Variants in PLEKHM3 observed in about 807,000 individuals in gnomAD.
PLEKHM3 encodes the protein pleckstrin homology domain-containing family M member 3.
Under a neutral mutation model 81.8 loss-of-function variants are expected in PLEKHM3, and 45 were observed. That is an observed-to-expected ratio of 0.55 (90% CI 0.43 to 0.71). The LOEUF is 0.71. Among genes scored for constraint, PLEKHM3 ranks in the 30% least tolerant of loss-of-function variants. The pLI is 0.00. For missense variants in PLEKHM3, 788 were observed against 924.3 expected (o/e 0.85, Z 1.91); for synonymous variants, 352 against 356.4 (o/e 0.99, Z 0.14).
chr2:207,940,123 A>G (rs954932037), intron 4 of PLEKHM3, among the ~76,000 whole-genome samples: 2 of 152,190 alleles, frequency 1.3e-5, no homozygotes, highest in African/African-American at 4.8e-5. Context: ...CTGCTTGTCT[A>G]CTATGTGCCA....
intron 7 of PLEKHM3, among the ~76,000 whole-genome samples, chr2:207,838,689 T>C (rs2092333546): frequency 6.6e-6 from 1 of 152,194 alleles, no homozygotes; most frequent in Non-Finnish European, 1.5e-5. Context: ...TTCTAAGTTT[T>C]TATTTTAAGG....
At chr2:207,939,799 C>T (rs1689875154) in intron 4 of PLEKHM3, among the ~76,000 whole-genome samples, 1 of 152,176 alleles carries the variant, frequency 6.6e-6, no homozygotes, top group African/African-American at 2.4e-5. Context: ...AGGCTTCTGT[C>T]TTCCTTCATG....
At chr2:207,846,419 C>T (rs558410518) in intron 7 of PLEKHM3, among the ~76,000 whole-genome samples, 35 of 152,170 alleles carry the variant, frequency 2.3e-4, no homozygotes, top group African/African-American at 2.4e-4. Context: ...GGATTACAGG[C>T]GTGAACCACT....
At chr2:207,991,945 G>T (rs978952838) in intron 2 of PLEKHM3, among the ~76,000 whole-genome samples, 6 of 152,118 alleles carry the variant, frequency 3.9e-5, no homozygotes, top group Non-Finnish European at 8.8e-5. Context: ...TGATATTTTG[G>T]CCTTACTATT....
intron 6 of PLEKHM3, among the ~76,000 whole-genome samples, chr2:207,888,303 CA>C (rs1405105745): frequency 1.3e-5 from 2 of 152,120 alleles, no homozygotes; most frequent in Non-Finnish European, 2.9e-5. Context: ...GCATCAAACA[CA>C]AACTATTCTT....
At chr2:207,918,397 C>T (rs760688758) in intron 5 of PLEKHM3, among the ~76,000 whole-genome samples, 62 of 152,068 alleles carry the variant, frequency 4.1e-4, no homozygotes, top group Admixed American at 2.3e-3. Flanking sequence ...TGGTGGGCGC[C>T]TGTAGTCCCA....
At chr2:207,855,939 T>C (rs536034753) in intron 7 of PLEKHM3, among the ~76,000 whole-genome samples, 11 of 152,342 alleles carry the variant, frequency 7.2e-5, no homozygotes, top group Admixed American at 2.6e-4. Context: ...CTTTAGTTAC[T>C]AATAATATAT....
chr2:207,930,598 G>T (rs555265066), intron 5 of PLEKHM3, among the ~76,000 whole-genome samples: 2 of 152,202 alleles, frequency 1.3e-5, no homozygotes, highest in South Asian at 4.2e-4. Context: ...CTACATAAGT[G>T]ACCAATATAG....
chr2:207,945,621 G>A (rs1438205856), intron 4 of PLEKHM3, among the ~76,000 whole-genome samples: 1 of 152,054 alleles, frequency 6.6e-6, no homozygotes, highest in African/African-American at 2.4e-5. Flanking sequence ...GAAATATCTC[G>A]GACCACACAG....
intron 3 of PLEKHM3, among the ~76,000 whole-genome samples, chr2:207,948,349 CTTTTTTTTT>C (rs752976462): frequency 1.2e-5 from 1 of 81,066 alleles, no homozygotes; most frequent in Non-Finnish European, 2.2e-5. Context: ...CTCCTCAGAT[CTTTTTTTTT>C]TTTTTTTTTT....
chr2:208,004,789 C>T (rs7595734), intron 1 of PLEKHM3, among the ~76,000 whole-genome samples: 99,097 of 152,008 alleles, frequency 0.65, 33,341 homozygotes, highest in Non-Finnish European at 0.74. Flanking sequence ...TACTCTGCTT[C>T]TGTTTAAATA....
intron 5 of PLEKHM3, among the ~76,000 whole-genome samples, chr2:207,925,095 T>C (rs1689343787): frequency 1.3e-5 from 2 of 151,774 alleles, no homozygotes; most frequent in South Asian, 4.2e-4. Context: ...TTCTGAGTGC[T>C]TAAGATGGGA....
At position 207,821,809 on chromosome 2, in the gene PLEKHM3, G is replaced by A. The variant is rs1487386771; in HGVS notation, c.*6510C>T. 2.0e-5 allele frequency: 3 copies of A among 152,078 alleles called. No individual in the cohort carries two copies. The highest frequency in any genetic ancestry group is 4.4e-5 in the Non-Finnish European group (3 of 68,018). The allele number at this position is 152,078 out of a possible 1,614,324, so 9.4% of individuals were successfully genotyped here. ...GCCCAGACTTGTCTTGAACTCCTGG[G>A]CTCCAGTGATCCTCCCACCCCAGCC... On this transcript the variant is annotated 3_prime_UTR_variant, in exon 8 of 8. Coordinates refer to ENST00000427836, the MANE Select transcript of PLEKHM3 (RefSeq NM_001080475.3).
chr2:208,019,494 T>A (rs1345787773), intron 1 of PLEKHM3: 1 of 152,310 alleles, frequency 6.6e-6, no homozygotes, highest in Non-Finnish European at 1.5e-5. Flanking sequence ...AGGAATCACA[T>A]CTCTCTTGAC....
intron 6 of PLEKHM3, among the ~76,000 whole-genome samples, chr2:207,898,536 T>C (rs1688317137): frequency 6.6e-6 from 1 of 152,142 alleles, no homozygotes; most frequent in South Asian, 2.1e-4. Context: ...GGCAAATCAC[T>C]TGACCCCAGG....
At chr2:207,872,336 G>A (rs1243789632) in intron 6 of PLEKHM3, among the ~76,000 whole-genome samples, 1 of 152,184 alleles carries the variant, frequency 6.6e-6, no homozygotes, top group Non-Finnish European at 1.5e-5. Flanking sequence ...GTTTTGATCT[G>A]AACTGGATCT....
At chr2:207,860,748 T>G (rs927628077) in intron 7 of PLEKHM3, among the ~76,000 whole-genome samples, 9 of 152,196 alleles carry the variant, frequency 5.9e-5, no homozygotes, top group African/African-American at 2.2e-4. Flanking sequence ...TGGGCCTTCC[T>G]CTGAGACTGC....
intron 3 of PLEKHM3, among the ~76,000 whole-genome samples, chr2:207,955,310 TC>T (rs1333905451): frequency 3.3e-5 from 5 of 152,342 alleles, no homozygotes; most frequent in African/African-American, 9.6e-5. Flanking sequence ...AGTATTTTTT[TC>T]ATCCTGTTTT....
At chr2:207,861,326 G>A (rs2092465936) in intron 6 of PLEKHM3, 64 bp from the exon 7 acceptor site, 3 of 1,465,072 alleles carry the variant, frequency 2.0e-6, no homozygotes, top group Non-Finnish European at 2.8e-6. Flanking sequence ...GTACACACAG[G>A]AAAGGAAAGG....
Sources: gnomAD v4.1 joint callset for allele counts (sites outside exome capture counted in the v4.1 genomes callset) on GRCh38, gnomAD v4.1.1 for gene constraint, MANE v1.5 for transcripts, NCBI Gene and HGNC (gene_info 2026-07-23, HGNC 2026-07-21) for gene names.